BACH2: variants seen among roughly 807,000 people sequenced by gnomAD.
The protein encoded by BACH2 is transcription regulator protein BACH2.
A neutral mutation model predicts 61.8 loss-of-function variants in BACH2; 5 were observed. That is an observed-to-expected ratio of 0.08 (90% CI 0.04 to 0.17). The LOEUF is 0.17. Ranked by LOEUF, BACH2 falls within the 10% of genes least tolerant of loss-of-function variation. The pLI is 1.00. For synonymous variants in BACH2, 446 were observed against 440.1 expected, an observed-to-expected ratio of 1.01 and a Z score of -0.17; for missense variants, 824 against 1,091.1, an observed-to-expected ratio of 0.76 and a Z score of 3.45.
At chr6:90,238,500 T>C (rs1562520790) in intron 3 of BACH2, among the ~76,000 whole-genome samples, 2 of 152,208 alleles carry the variant, frequency 1.3e-5, no homozygotes, top group Non-Finnish European at 2.9e-5. Context: ...TACTAATATC[T>C]ACAAAGAAAA....
chr6:90,082,788 G>A (rs1322005523), intron 5 of BACH2, among the ~76,000 whole-genome samples: 1 of 152,076 alleles, frequency 6.6e-6, no homozygotes, highest in Non-Finnish European at 1.5e-5. Flanking sequence ...TCTGATTGTG[G>A]TTCTGTCTAG....
chr6:90,195,414 C>G (rs1768724035), intron 4 of BACH2, among the ~76,000 whole-genome samples: 1 of 152,164 alleles, frequency 6.6e-6, no homozygotes, highest in African/African-American at 2.4e-5. Flanking sequence ...TCCTTGATTA[C>G]AGGGCAGTTT....
intron 5 of BACH2, among the ~76,000 whole-genome samples, chr6:90,025,277 T>A (rs995251067): frequency 1.3e-5 from 2 of 152,202 alleles, no homozygotes; most frequent in Non-Finnish European, 2.9e-5. Flanking sequence ...TGGTCTTTTT[T>A]ATATGTTGAT....
intron 6 of BACH2, among the ~76,000 whole-genome samples, chr6:89,959,163 C>A (rs1584532719): frequency 6.7e-6 from 1 of 149,228 alleles, no homozygotes; most frequent in Non-Finnish European, 1.5e-5. Context: ...CTATTCCCTG[C>A]AGTTGAAATG....
chr6:90,031,754 A>G (rs527351331), intron 5 of BACH2, among the ~76,000 whole-genome samples: 1 of 152,364 alleles, frequency 6.6e-6, no homozygotes, highest in Admixed American at 6.5e-5. Flanking sequence ...AGGAAGAATC[A>G]ATATCATGAA....
At chr6:90,295,243 G>C (rs373114481) in intron 1 of BACH2, among the ~76,000 whole-genome samples, 219 of 152,218 alleles carry the variant, frequency 1.4e-3, no homozygotes, top group African/African-American at 5.1e-3. Context: ...AAACCACCCC[G>C]GCAGCGGCCG....
At position 89,930,751 on chromosome 6, in the gene BACH2, G is replaced by C. The variant is rs1399830586; in HGVS notation, c.*1657C>G. 6.6e-6 allele frequency: 1 copy of C among 152,638 alleles called. No individual in the cohort carries two copies. The highest frequency in any genetic ancestry group is 2.4e-5 in the African/African-American group (1 of 41,452). 9.5% of individuals were successfully genotyped at this position (152,638 alleles called of 1,614,324 possible). ...AGGGTAGGGTATGTGTGTGATTCGGGAAGGGGACAGGGAGGGTTCCCGGTG... is the reference window on the plus strand; with the variant it reads ...AGGGTAGGGTATGTGTGTGATTCGGCAAGGGGACAGGGAGGGTTCCCGGTG... On this transcript the variant is annotated 3_prime_UTR_variant, in exon 9 of 9. Transcript: ENST00000257749.
chr6:90,229,873 A>G (rs2127859679), intron 3 of BACH2, among the ~76,000 whole-genome samples: 1 of 152,312 alleles, frequency 6.6e-6, no homozygotes, highest in South Asian at 2.1e-4. Context: ...ATTTGGCTTG[A>G]GAGCCTACAG....
At chr6:90,296,335 G>GCGGCTGCGCGCCCGGCGGCCGGGGCTC (rs1772387088) in intron 1 of BACH2, 145 bp downstream of exon 1, 1 of 151,156 alleles carries the variant, frequency 6.6e-6, no homozygotes, top group African/African-American at 2.4e-5. Flanking sequence ...CGCGGGGAGG[G>GCGGCTGCGCGCCCGGCGGCCGGGGCTC]CGGCTGCGCG....
At chr6:90,241,878 T>G (rs1448553176) in intron 3 of BACH2, among the ~76,000 whole-genome samples, 4 of 152,134 alleles carry the variant, frequency 2.6e-5, no homozygotes, top group Non-Finnish European at 5.9e-5. Context: ...GGCTTTTGTT[T>G]TGTTTTGTCT....
intron 5 of BACH2, among the ~76,000 whole-genome samples, chr6:90,027,318 C>T (rs921505759): frequency 7.2e-5 from 11 of 152,132 alleles, no homozygotes; most frequent in Non-Finnish European, 1.2e-4. Flanking sequence ...CTCAGAATGA[C>T]GATTATTGTG....
intron 5 of BACH2, among the ~76,000 whole-genome samples, chr6:90,033,093 A>C (rs1779084808): frequency 7.4e-6 from 1 of 135,828 alleles, no homozygotes; most frequent in South Asian, 2.7e-4. Flanking sequence ...CATTCTCAGC[A>C]AACTATCGCA....
intron 4 of BACH2, among the ~76,000 whole-genome samples, chr6:90,160,114 G>T (rs1444676523): frequency 6.6e-6 from 1 of 152,164 alleles, no homozygotes; most frequent in Admixed American, 6.5e-5. Flanking sequence ...TTTCAAAAGG[G>T]AGTTACCATA....
chr6:90,092,029 A>G (rs1782179660), intron 4 of BACH2, among the ~76,000 whole-genome samples: 1 of 152,048 alleles, frequency 6.6e-6, no homozygotes, highest in African/African-American at 2.4e-5. Flanking sequence ...TGGTAATAGA[A>G]GAAATAAACC....
chr6:90,295,732 T>A (rs2127896733), intron 1 of BACH2, among the ~76,000 whole-genome samples: 1 of 152,048 alleles, frequency 6.6e-6, no homozygotes. Context: ...GTGCAAGGTT[T>A]CCCTCTCAGA....
intron 3 of BACH2, among the ~76,000 whole-genome samples, chr6:90,211,504 A>T (rs1032549097): frequency 3.3e-5 from 5 of 151,796 alleles, no homozygotes; most frequent in African/African-American, 1.2e-4. Flanking sequence ...GATCACTGTT[A>T]ATGTGGTATA....
intron 6 of BACH2, among the ~76,000 whole-genome samples, chr6:89,993,644 C>T (rs1776695561): frequency 6.6e-6 from 1 of 152,114 alleles, no homozygotes; most frequent in African/African-American, 2.4e-5. Context: ...TCTTCTTCTA[C>T]ATCTTAGGCA....
intron 7 of BACH2, among the ~76,000 whole-genome samples, chr6:89,946,458 C>G (rs1773726260): frequency 6.6e-6 from 1 of 152,182 alleles, no homozygotes; most frequent in Non-Finnish European, 1.5e-5. Context: ...ATCTTTGAAA[C>G]TAACCCACAA....
chr6:90,209,172 T>G (rs933165407), intron 3 of BACH2, among the ~76,000 whole-genome samples: 2 of 152,150 alleles, frequency 1.3e-5, no homozygotes, highest in African/African-American at 2.4e-5. Flanking sequence ...CTGAATGTTG[T>G]GCACATGTAT....
Sources: allele counts gnomAD v4.1 joint callset (sites outside exome capture counted in the v4.1 genomes callset), GRCh38; gene constraint gnomAD v4.1.1; transcripts MANE v1.5; gene names NCBI Gene and HGNC (gene_info 2026-07-23, HGNC 2026-07-21).